Variants in RAD51D observed in about 807,000 individuals in gnomAD.
The protein encoded by RAD51D is DNA repair protein RAD51 homolog 4.
A neutral mutation model predicts 44.1 loss-of-function variants in RAD51D; 38 were observed. That is an observed-to-expected ratio of 0.86 (90% CI 0.67 to 1.13). The LOEUF (loss-of-function observed/expected upper bound fraction) is 1.13, where lower values mean the gene tolerates loss of function less well. RAD51D is among the 50% of genes most tolerant of loss of function. The probability of loss-of-function intolerance (pLI) is 0.00; values close to 1 mark genes in which losing one functional copy is unlikely to be tolerated. For synonymous variants in RAD51D, 141 were observed against 166.6 expected, an observed-to-expected ratio of 0.85 and a Z score of 1.18; for missense variants, 390 against 414.0, an observed-to-expected ratio of 0.94 and a Z score of 0.50.
chr17:35,109,485 T>G (rs2142443858), intron 3 of RAD51D, among the ~76,000 whole-genome samples: 1 of 152,340 alleles, frequency 6.6e-6, no homozygotes, highest in East Asian at 1.9e-4. Context: ...ACCAAACTAT[T>G]TTCCAGAGTG....
rs1367510417 is a variant in RAD51D, at chr17:35,113,331, T to A, written c.263+5170A>T. 1.8e-4 allele frequency among the ~76,000 whole-genome samples: 28 copies of A among 152,094 alleles called. 1 individual carries two copies. The highest frequency in any genetic ancestry group is 1.8e-3 in the Admixed American group (28 of 15,266). The stretch of plus-strand genomic sequence containing the variant: ...GTCACCAGGCTGGAGTGCAGTGGTG[T>A]GCTCTCGGCTCACTGCAACCTCCGC... On this transcript the variant is annotated intron_variant, in intron 3 of 9. Coordinates refer to ENST00000345365, the MANE Select transcript of RAD51D (RefSeq NM_002878.4).
At chr17:35,102,902 G>A (rs528901300) in intron 8 of RAD51D, among the ~76,000 whole-genome samples, 182 of 152,322 alleles carry the variant, frequency 1.2e-3, no homozygotes, top group African/African-American at 4.3e-3. Context: ...ATGGAAAACA[G>A]ATCAGTGGTT....
At chr17:35,116,086 A>G (rs1421423378) in intron 3 of RAD51D, among the ~76,000 whole-genome samples, 1 of 151,538 alleles carries the variant, frequency 6.6e-6, no homozygotes, top group African/African-American at 2.4e-5. Flanking sequence ...AAAAAGAAAG[A>G]AAGAAAGAAA....
At chr17:35,114,742 C>T (rs1379406007) in intron 3 of RAD51D, among the ~76,000 whole-genome samples, 1 of 152,140 alleles carries the variant, frequency 6.6e-6, no homozygotes, top group African/African-American at 2.4e-5. Flanking sequence ...GTCCCACTCA[C>T]AGTGAATGAG....
rs979479818 is a variant in RAD51D at position 35,099,261 on chromosome 17, A to ACTGACTTGAGTTGGAC, written c.*1691_*1692insGTCCAACTCAAGTCAG. ...AGACGGCAACCAGACTCCACCTTGA[A>ACTGACTTGAGTTGGAC]TACCAACTCCAACTGACTGGTAGTG... On this transcript the variant is annotated 3_prime_UTR_variant, in exon 10 of 10. Coordinates refer to ENST00000345365, the MANE Select transcript of RAD51D (RefSeq NM_002878.4). 2.3e-4 allele frequency: 37 copies of ACTGACTTGAGTTGGAC among 161,872 alleles called. No individual in the cohort carries two copies. Among genetic ancestry groups the ACTGACTTGAGTTGGAC allele is most frequent in the African/African-American group, 8.4e-4 (35 of 41,490 alleles). 10.0% of individuals were successfully genotyped at this position (161,872 alleles called of 1,614,324 possible). A position where few individuals can be genotyped will look rare whatever the true frequency, so the allele number is the denominator to read the frequency against.
In RAD51D at chr17:35,096,231, TG is replaced by T. The variant is rs2142400821; in HGVS notation, c.*4721del. 6.6e-6 allele frequency: 1 copy of T among 152,324 alleles called. No individual in the cohort carries two copies. The highest frequency in any genetic ancestry group is 2.1e-4 in the South Asian group (1 of 4,830). 9.4% of individuals were successfully genotyped at this position (152,324 alleles called of 1,614,324 possible). On this transcript the variant is annotated 3_prime_UTR_variant, in exon 10 of 10. Coordinates refer to ENST00000345365, the MANE Select transcript of RAD51D (RefSeq NM_002878.4). ...ATTTTATTTTATAGAGATAGGGTCT[TG>T]CTATGTTGCCCAGGCTGGTCTGGAA...
chr17:35,109,517 G>A (rs867445431), intron 3 of RAD51D, among the ~76,000 whole-genome samples: 15 of 152,114 alleles, frequency 9.9e-5, no homozygotes, highest in Admixed American at 2.6e-4. Context: ...TTACATATCC[G>A]CTAACAATGT....
chr17:35,110,076 CCT>C (rs1567730210), intron 3 of RAD51D, among the ~76,000 whole-genome samples: 1 of 150,216 alleles, frequency 6.7e-6, no homozygotes, highest in African/African-American at 2.5e-5. Flanking sequence ...CTGAGGTGAT[CCT>C]CCCACATCAG....
At chr17:35,112,415 T>A (rs181001710) in intron 3 of RAD51D, among the ~76,000 whole-genome samples, 206 of 152,242 alleles carry the variant, frequency 1.4e-3, no homozygotes, top group African/African-American at 4.7e-3. Context: ...TTTCACTCTG[T>A]CACCCAGGTT....
intron 8 of RAD51D, among the ~76,000 whole-genome samples, 196 bp from the exon 9 acceptor site, chr17:35,101,561 A>G (rs968541219): frequency 6.6e-6 from 1 of 152,246 alleles, no homozygotes; most frequent in East Asian, 1.9e-4. Flanking sequence ...CTAAATCTCG[A>G]TGCCTCAGGT....
chr17:35,117,614 C>G (rs1297982501), intron 3 of RAD51D, among the ~76,000 whole-genome samples: 3 of 152,152 alleles, frequency 2.0e-5, no homozygotes, highest in Non-Finnish European at 4.4e-5. Context: ...TGCAGCCTCC[C>G]AAGTAGCTGG....
At chr17:35,109,801 A>G (rs549137279) in intron 3 of RAD51D, among the ~76,000 whole-genome samples, 159 of 151,786 alleles carry the variant, frequency 1.0e-3, no homozygotes, top group African/African-American at 3.7e-3. Context: ...CCGAGTAGCT[A>G]GGATTACAGG....
intron 3 of RAD51D, among the ~76,000 whole-genome samples, chr17:35,115,957 G>GAAAGA (rs1308863369): frequency 2.1e-3 from 4 of 1,892 alleles, no homozygotes; most frequent in Non-Finnish European, 2.8e-3. Context: ...AGGAAGAAAG[G>GAAAGA]AAAGAAAGAA....
rs2091524630 is a variant in RAD51D, at chr17:35,100,771, C to T, written c.*182G>A. On this transcript the variant is annotated 3_prime_UTR_variant, in exon 10 of 10. Transcript: ENST00000345365. ...CTGGGTCCTCGCAATGCAGCATCCTCTTTCGCCTGTGGTTTATATGCTTAC... is the reference window on the plus strand; with the variant it reads ...CTGGGTCCTCGCAATGCAGCATCCTTTTTCGCCTGTGGTTTATATGCTTAC... 3 of 699,972 alleles carry T rather than the reference C, an allele frequency of 4.3e-6. No individual in the cohort carries two copies. Among genetic ancestry groups the T allele is most frequent in the South Asian group, 1.5e-5 (1 of 66,830 alleles). The allele number at this position is 699,972 out of a possible 1,614,324, so 43.4% of individuals were successfully genotyped here. A position where few individuals can be genotyped will look rare whatever the true frequency, so the allele number is the denominator to read the frequency against.
chr17:35,094,269 T>G lies in RAD51D; in HGVS notation c.*6684A>C, dbSNP rs1275038213. On this transcript the variant is annotated 3_prime_UTR_variant, in exon 10 of 10. Transcript: ENST00000345365. ...GGCACCCGCCACCACGCCCGGCTAA[T>G]TTTTGTATTTTTAGTAGAAATGGGG... 1 of 152,152 alleles carries G rather than the reference T, an allele frequency of 6.6e-6. No individual in the cohort carries two copies. The highest frequency in any genetic ancestry group is 2.4e-5 in the African/African-American group (1 of 41,430). The allele number at this position is 152,152 out of a possible 1,614,324, so 9.4% of individuals were successfully genotyped here.
At chr17:35,116,944 T>G (rs1440308082) in intron 3 of RAD51D, 22 of 1,613,482 alleles carry the variant, frequency 1.4e-5, no homozygotes, top group Non-Finnish European at 1.9e-5. Flanking sequence ...CCTGCCTTCT[T>G]CAGAGCATTC....
intron 3 of RAD51D, among the ~76,000 whole-genome samples, chr17:35,116,528 C>T (rs556944528): frequency 1.1e-3 from 162 of 151,028 alleles, no homozygotes; most frequent in African/African-American, 3.8e-3. Flanking sequence ...GGAGTCTTGC[C>T]CTGTTGCCCA....
chr17:35,104,995 GA>G (rs1241977016), intron 6 of RAD51D: 1 of 152,112 alleles, frequency 6.6e-6, no homozygotes, highest in African/African-American at 2.4e-5. Flanking sequence ...TAGAAACTGT[GA>G]GATAAGAAAT....
In RAD51D at chr17:35,113,393, C is replaced by T. The variant is rs186106118; in HGVS notation, c.263+5108G>A. 5.8e-3 allele frequency: 1,210 copies of T among 207,878 alleles called. 17 individuals carry two copies. Among genetic ancestry groups the T allele is most frequent in the African/African-American group, 0.027 (1,130 of 42,194 alleles). The allele number at this position is 207,878 out of a possible 1,614,324, so 12.9% of individuals were successfully genotyped here. A position where few individuals can be genotyped will look rare whatever the true frequency, so the allele number is the denominator to read the frequency against. On this transcript the variant is annotated intron_variant, in intron 3 of 9. Transcript: ENST00000345365. Reference sequence around the variant, plus strand: ...AAACAATTCTCCTGCCTCAGCCTCCCGAGTAGCTGGGATTATAGGCACCCA... The same window carrying T: ...AAACAATTCTCCTGCCTCAGCCTCCTGAGTAGCTGGGATTATAGGCACCCA...
Sources: gnomAD v4.1 joint callset for allele counts (sites outside exome capture counted in the v4.1 genomes callset) on GRCh38, gnomAD v4.1.1 for gene constraint, MANE v1.5 for transcripts, NCBI Gene and HGNC (gene_info 2026-07-23, HGNC 2026-07-21) for gene names.